Variants in SPTBN1 observed in about 807,000 individuals in gnomAD.
The protein encoded by SPTBN1 is spectrin beta chain, non-erythrocytic 1.
A neutral mutation model predicts 266.4 loss-of-function variants in SPTBN1; 32 were observed. That is an observed-to-expected ratio of 0.12 (90% CI 0.09 to 0.16). The LOEUF (loss-of-function observed/expected upper bound fraction) is 0.16. Ranked by LOEUF, SPTBN1 falls within the 10% of genes least tolerant of loss-of-function variation. The pLI, the probability that SPTBN1 is intolerant of heterozygous loss-of-function variation, is 1.00. For missense variants in SPTBN1, 2,296 were observed against 3,067.1 expected (o/e 0.75, Z 5.94); for synonymous variants, 1,336 against 1,162.2 (o/e 1.15, Z -3.04).
At chr2:54,503,569 A>G (rs1291093984) in intron 1 of SPTBN1, among the ~76,000 whole-genome samples, 1 of 152,232 alleles carries the variant, frequency 6.6e-6, no homozygotes, top group African/African-American at 2.4e-5. Flanking sequence ...TGAGCATGAA[A>G]GCGACCATCC....
chr2:54,670,840 T>C lies in SPTBN1; in HGVS notation c.*2271T>C, dbSNP rs1553359316. 1.5e-5 allele frequency: 6 copies of C among 398,444 alleles called. No individual in the cohort carries two copies. The highest frequency in any genetic ancestry group is 2.2e-5 in the Non-Finnish European group (5 of 226,064). The allele number at this position is 398,444 out of a possible 1,614,324, so 24.7% of individuals were successfully genotyped here. ...ACTGAGGCCTGAATGTGGAAGATGA[T>C]GGGCAGCGAGAGGAGCGTCAGAAGA... On this transcript the variant is annotated 3_prime_UTR_variant, in exon 36 of 36. Coordinates refer to ENST00000356805, the MANE Select transcript of SPTBN1 (RefSeq NM_003128.3).
At chr2:54,635,831 C>CT (rs1200978561) in intron 17 of SPTBN1, among the ~76,000 whole-genome samples, 1 of 152,240 alleles carries the variant, frequency 6.6e-6, no homozygotes, top group Admixed American at 6.5e-5. Flanking sequence ...TTGAACTCCC[C>CT]TAGAAATAGA....
rs901711372 is a variant in SPTBN1, at chr2:54,504,818, A to T, written c.-47-21554A>T. On this transcript the variant is annotated intron_variant, in intron 1 of 35. Coordinates refer to ENST00000356805, the MANE Select transcript of SPTBN1 (RefSeq NM_003128.3). ...ACCTTATAATATTTTAAAAAGCGTA[A>T]AATTCCCAAATAAAGTAATTGGTTT... Among the ~76,000 whole-genome samples the T allele has an allele frequency of 3.9e-5, 6 of 152,168 alleles. No homozygotes were observed. The East Asian group carries it at 1.2e-3, about 29-fold the overall frequency.
chr2:54,565,044 A>G (rs1673574093), intron 2 of SPTBN1, among the ~76,000 whole-genome samples: 1 of 152,182 alleles, frequency 6.6e-6, no homozygotes, highest in Non-Finnish European at 1.5e-5. Flanking sequence ...CATCAGCATC[A>G]TCTGGGAATT....
At position 54,655,182 on chromosome 2, in the gene SPTBN1, G is replaced by A; in HGVS notation, c.5935G>A (p.Ala1979Thr). Reference protein sequence around the residue: ...TCIELGKSLLARKHYASEEIK... With the variant: ...TCIELGKSLLTRKHYASEEIK... The stretch of plus-strand genomic sequence containing the variant: ...CATTGAACTTGGGAAATCCCTGTTG[G>A]CGAGAAAACACTATGCATCTGAGGA... The change falls in exon 28 of 36, where the codon GCG becomes ACG. Residue 1979 changes from alanine to threonine, a missense_variant. Coordinates refer to ENST00000356805, the MANE Select transcript of SPTBN1 (RefSeq NM_003128.3). 6.2e-7 allele frequency: 1 copy of A among 1,614,146 alleles called. No homozygotes were observed. Among genetic ancestry groups the A allele is most frequent in the Non-Finnish European group, 8.5e-7 (1 of 1,180,024 alleles).
intron 2 of SPTBN1, among the ~76,000 whole-genome samples, chr2:54,563,741 T>C (rs1573422587): frequency 1.3e-5 from 2 of 151,560 alleles, no homozygotes; most frequent in East Asian, 3.9e-4. Flanking sequence ...GTAGCTGGGA[T>C]TACAGCCACC....
chr2:54,472,897 CTT>C (rs2103876263), intron 1 of SPTBN1, among the ~76,000 whole-genome samples: 1 of 152,258 alleles, frequency 6.6e-6, no homozygotes, highest in Non-Finnish European at 1.5e-5. Flanking sequence ...AGTGAGTTAA[CTT>C]TATTTTGAGA....
chr2:54,517,781 G>A (rs1247646982), intron 1 of SPTBN1, among the ~76,000 whole-genome samples: 1 of 151,994 alleles, frequency 6.6e-6, no homozygotes. Flanking sequence ...GAGTAGCTGG[G>A]ATTATAGGCG....
At chr2:54,476,938 GTAAATAAACT>G (rs1667862288) in intron 1 of SPTBN1, among the ~76,000 whole-genome samples, 1 of 151,976 alleles carries the variant, frequency 6.6e-6, no homozygotes, top group African/African-American at 2.4e-5. Flanking sequence ...AAAGAGAAAG[GTAAATAAACT>G]TTGACCACAT....
intron 7 of SPTBN1, among the ~76,000 whole-genome samples, chr2:54,618,724 T>C (rs1269050504): frequency 6.6e-6 from 1 of 152,138 alleles, no homozygotes; most frequent in African/African-American, 2.4e-5. Context: ...GCAGGGGCCT[T>C]GTTAGGAGGC....
chr2:54,520,999 C>G (rs1171160950), intron 1 of SPTBN1, among the ~76,000 whole-genome samples: 1 of 152,138 alleles, frequency 6.6e-6, no homozygotes, highest in Non-Finnish European at 1.5e-5. Context: ...CCTTCTCTTC[C>G]TAAACTTCCC....
chr2:54,623,650 C>G, intron 10 of SPTBN1, 54 bp downstream of exon 10: 1 of 1,418,770 alleles, frequency 7.0e-7, no homozygotes, highest in Non-Finnish European at 9.8e-7. Flanking sequence ...GCTTCAGGTT[C>G]TATCACTAGG....
At position 54,649,901 on chromosome 2, in the gene SPTBN1, A is replaced by C; in HGVS notation, c.5489A>C (p.Glu1830Ala). The C allele has an allele frequency of 1.2e-6, 2 of 1,614,240 alleles. No individual in the cohort carries two copies. Among genetic ancestry groups the C allele is most frequent in the Non-Finnish European group, 1.7e-6 (2 of 1,180,038 alleles). Residue 1830 changes from glutamate to alanine, a missense_variant, in exon 26 of 36, where the codon GAG (glutamate) becomes GCG (alanine). By Grantham distance (107) the Glu-to-Ala change is moderately radical. Transcript: ENST00000356805. The surrounding 1 kb of genome is among the most constrained non-coding windows in gnomAD (Gnocchi z 6.7). ...RIQDKHKKLP[E>A]ELGRDQNTVE... ...CAGGACAAACACAAGAAACTCCCTGAGGAGCTTGGGAGAGATCAGAACACA... is the reference window on the plus strand; with the variant it reads ...CAGGACAAACACAAGAAACTCCCTGCGGAGCTTGGGAGAGATCAGAACACA...
In SPTBN1 at chr2:54,626,263, AG is replaced by A; in HGVS notation, c.1644+30del. ...AAACCTGACCGAAAGGAAGGACGAC[AG>A]AGCTGATCCAACCAGGGCTCTCTTT... On this transcript the variant is annotated intron_variant, in intron 12 of 35. Transcript: ENST00000356805. The surrounding 1 kb of genome is among the most constrained non-coding windows in gnomAD (Gnocchi z 4.7). 1 of 1,598,582 alleles carries A rather than the reference AG, an allele frequency of 6.3e-7. No homozygotes were observed. The highest frequency in any genetic ancestry group is 8.5e-7 in the Non-Finnish European group (1 of 1,170,534).
intron 2 of SPTBN1, among the ~76,000 whole-genome samples, chr2:54,576,215 C>T (rs900940493): frequency 2.0e-5 from 3 of 151,846 alleles, no homozygotes; most frequent in South Asian, 2.1e-4. Flanking sequence ...CCACCACTCC[C>T]GGCTAATGTT....
At chr2:54,644,692 G>A in intron 20 of SPTBN1, 106 bp downstream of exon 20, 1 of 1,458,908 alleles carries the variant, frequency 6.9e-7, no homozygotes, top group Non-Finnish European at 9.2e-7. Context: ...CCTTCCATGG[G>A]AAGGCATTTT....
chr2:54,498,575 A>G (rs1669091483), intron 1 of SPTBN1, among the ~76,000 whole-genome samples: 1 of 152,222 alleles, frequency 6.6e-6, no homozygotes, highest in Admixed American at 6.5e-5. Flanking sequence ...TAATATTTGT[A>G]AAGGGCTTAG....
intron 2 of SPTBN1, among the ~76,000 whole-genome samples, chr2:54,577,992 C>T (rs1674604912): frequency 6.6e-6 from 1 of 152,186 alleles, no homozygotes; most frequent in Non-Finnish European, 1.5e-5. Context: ...ATGTAAAATT[C>T]AAGCCTTGCC....
At chr2:54,609,616 C>G (rs922405522) in intron 3 of SPTBN1, among the ~76,000 whole-genome samples, 1 of 151,924 alleles carries the variant, frequency 6.6e-6, no homozygotes. Flanking sequence ...CCTTATGACC[C>G]CTTGATCTAG....
Sources: gnomAD v4.1 joint callset for allele counts (sites outside exome capture counted in the v4.1 genomes callset) on GRCh38, gnomAD v4.1.1 for gene constraint, Gnocchi (gnomAD v3.1) non-coding constraint, MANE v1.5 for transcripts, NCBI Gene and HGNC (gene_info 2026-07-23, HGNC 2026-07-21) for gene names.